Variants in NBEAL1 observed in about 807,000 individuals in gnomAD.
NBEAL1 encodes neurobeachin like 1.
Under a neutral mutation model 351.3 loss-of-function variants are expected in NBEAL1, and 273 were observed. The ratio of observed to expected loss-of-function variants is 0.78; its 90% CI spans 0.70 to 0.86. The LOEUF is 0.86. Among genes scored for constraint, NBEAL1 ranks in the 40% least tolerant of loss-of-function variants. NBEAL1 has a pLI of 0.00. For missense variants in NBEAL1, 2,961 were observed against 3,201.3 expected, an observed-to-expected ratio of 0.92 and a Z score of 1.81; for synonymous variants, 1,050 against 1,086.4, an observed-to-expected ratio of 0.97 and a Z score of 0.66.
chr2:203,119,467 C>T (rs572589142), intron 18 of NBEAL1, among the ~76,000 whole-genome samples: 1 of 101,172 alleles, frequency 9.9e-6, no homozygotes, highest in African/African-American at 3.7e-5. Context: ...CGCTCTGTTG[C>T]CAGGCTGGAG....
At chr2:203,024,995 C>G (rs1316429452) in intron 2 of NBEAL1, among the ~76,000 whole-genome samples, 1 of 152,148 alleles carries the variant, frequency 6.6e-6, no homozygotes, top group Non-Finnish European at 1.5e-5. Flanking sequence ...ATTCAACAGA[C>G]TTAAAATTAC....
Position 203,136,086 on chromosome 2 carries a change from A to G in NBEAL1, c.4223A>G (p.Asp1408Gly). Reference protein sequence around the residue: ...SHLSLDLSGIDSCEMSDSGSQ... With the variant: ...SHLSLDLSGIGSCEMSDSGSQ... ...TTGAGTTTAGACCTCAGTGGAATTG[A>G]CTCATGTGAAATGAGTGATAGTGGA... The change falls in exon 28 of 56, where the codon GAC (aspartate) becomes GGC (glycine). Residue 1408 changes from aspartate (D) to glycine (G), a missense_variant. Physicochemically the swap from Asp to Gly is moderately conservative, Grantham distance 94. Coordinates refer to ENST00000683969, the MANE Select transcript of NBEAL1 (RefSeq NM_001378026.1). 11 of 1,614,072 alleles carry G rather than the reference A, an allele frequency of 6.8e-6. No individual in the cohort carries two copies. Among genetic ancestry groups the G allele is most frequent in the Non-Finnish European group, 9.3e-6 (11 of 1,180,000 alleles).
At position 203,127,056 on chromosome 2, in the gene NBEAL1, C is replaced by T. The variant is rs1178526380; in HGVS notation, c.3248+130C>T. On this transcript the variant is annotated intron_variant, in intron 23 of 55. Coordinates refer to ENST00000683969, the MANE Select transcript of NBEAL1 (RefSeq NM_001378026.1). ...GTTTTAACTGGAGAGAGGTAGGATA[C>T]AGTGGAGGTTAAAATGATGAACAGT... is the stretch of plus-strand genomic sequence containing the variant. The T allele has an allele frequency of 3.4e-5, 21 of 620,426 alleles. No individual in the cohort carries two copies. The South Asian group carries it at 5.2e-4, about 15-fold the overall frequency. 38.4% of individuals were successfully genotyped at this position (620,426 alleles called of 1,614,324 possible).
intron 2 of NBEAL1, among the ~76,000 whole-genome samples, chr2:203,039,051 T>TG (rs2061085747): frequency 6.7e-6 from 1 of 148,658 alleles, no homozygotes; most frequent in South Asian, 2.1e-4. Context: ...ATCTTTTTTT[T>TG]CTTTTTCAGT....
intron 4 of NBEAL1, among the ~76,000 whole-genome samples, chr2:203,052,019 ATACATTAT>A (rs1004755802): frequency 1.5e-3 from 228 of 152,272 alleles, no homozygotes; most frequent in African/African-American, 5.4e-3. Flanking sequence ...ACCAGTATTT[ATACATTAT>A]TAACTAAGGT....
intron 48 of NBEAL1, among the ~76,000 whole-genome samples, chr2:203,198,385 A>G (rs1369109051): frequency 6.6e-6 from 1 of 152,014 alleles, no homozygotes; most frequent in Non-Finnish European, 1.5e-5. Context: ...AGAACTTACT[A>G]TGACTGTCAC....
intron 53 of NBEAL1, among the ~76,000 whole-genome samples, chr2:203,210,505 C>G (rs1471153742): frequency 1.3e-5 from 2 of 151,250 alleles, no homozygotes; most frequent in Non-Finnish European, 2.9e-5. Context: ...ACTAAAAATG[C>G]AAAAAAAGAT....
chr2:203,170,897 G>C (rs2064298009), intron 39 of NBEAL1, among the ~76,000 whole-genome samples: 1 of 152,130 alleles, frequency 6.6e-6, no homozygotes, highest in Non-Finnish European at 1.5e-5. Flanking sequence ...AATATATCAA[G>C]ACACTGTTTT....
At chr2:203,147,135 A>G (rs1417484435) in intron 33 of NBEAL1, among the ~76,000 whole-genome samples, 1 of 152,160 alleles carries the variant, frequency 6.6e-6, no homozygotes, top group Non-Finnish European at 1.5e-5. Flanking sequence ...CACCACTGTT[A>G]GTTACTGTTG....
intron 10 of NBEAL1, among the ~76,000 whole-genome samples, chr2:203,089,290 C>T (rs1396986217): frequency 2.7e-5 from 4 of 150,514 alleles, no homozygotes; most frequent in African/African-American, 7.4e-5. Context: ...ACCTCAGAGA[C>T]GGAGGTTGCA....
chr2:203,096,584 CAGAAG>C (rs1166924354), intron 10 of NBEAL1, among the ~76,000 whole-genome samples: 5 of 152,094 alleles, frequency 3.3e-5, no homozygotes, highest in Non-Finnish European at 7.3e-5. Context: ...TTATTTTACT[CAGAAG>C]AGGGTAATGC....
At chr2:203,207,206 G>T (rs1363277213) in intron 51 of NBEAL1, among the ~76,000 whole-genome samples, 5 of 151,082 alleles carry the variant, frequency 3.3e-5, no homozygotes, top group Admixed American at 3.3e-4. Flanking sequence ...TGAGAAGTGA[G>T]GAGCCCCTCC....
chr2:203,166,108 A>G (rs769611844), intron 36 of NBEAL1, 41 bp from the exon 37 acceptor site: 2 of 1,493,994 alleles, frequency 1.3e-6, no homozygotes, highest in Non-Finnish European at 1.8e-6. Flanking sequence ...AGAAAAATAA[A>G]TGGTTGAATT....
intron 36 of NBEAL1, among the ~76,000 whole-genome samples, chr2:203,162,463 A>AG (rs1471812099): frequency 6.6e-6 from 1 of 152,134 alleles, no homozygotes; most frequent in Non-Finnish European, 1.5e-5. Flanking sequence ...TTACAAATTG[A>AG]GGGCCAGGCA....
Position 203,166,214 on chromosome 2 carries a change from C to T in NBEAL1, c.5780C>T (p.Thr1927Ile), listed in dbSNP as rs2064125329. ...LVLMEDCELI[T>I]IIDVIPGRLE... ...TTGATGGAAGACTGTGAACTCATTA[C>T]AATAATTGATGTAATTCCTGGCAGA... The change falls in exon 37 of 56, where the codon ACA becomes ATA. Residue 1927 changes from threonine (T) to isoleucine (I), a missense_variant. Transcript: ENST00000683969. 6.2e-7 allele frequency: 1 copy of T among 1,610,624 alleles called. No individual in the cohort carries two copies. Among genetic ancestry groups the T allele is most frequent in the South Asian group, 1.1e-5 (1 of 90,132 alleles).
intron 35 of NBEAL1, among the ~76,000 whole-genome samples, chr2:203,155,696 C>A (rs2063780754): frequency 6.6e-6 from 1 of 152,178 alleles, no homozygotes; most frequent in African/African-American, 2.4e-5. Flanking sequence ...GATCCTTCCA[C>A]CTCAGCCTCC....
chr2:203,050,009 C>T, intron 4 of NBEAL1, 34 bp downstream of exon 4: 3 of 1,536,366 alleles, frequency 2.0e-6, no homozygotes, highest in Non-Finnish European at 2.6e-6. Context: ...AGTTTTCACT[C>T]ATAGGTGGGA....
intron 10 of NBEAL1, among the ~76,000 whole-genome samples, chr2:203,088,149 T>C (rs376015248): frequency 6.6e-6 from 1 of 152,226 alleles, no homozygotes; most frequent in East Asian, 1.9e-4. Context: ...TATTAAATGA[T>C]ATAAACTCCA....
intron 30 of NBEAL1, 99 bp downstream of exon 30, chr2:203,138,414 C>A: frequency 8.6e-7 from 1 of 1,164,692 alleles, no homozygotes; most frequent in Non-Finnish European, 1.2e-6. Flanking sequence ...AATGCTTAAT[C>A]AGATTCAATA....
Sources: gnomAD v4.1 joint callset for allele counts (sites outside exome capture counted in the v4.1 genomes callset) on GRCh38, gnomAD v4.1.1 for gene constraint, MANE v1.5 for transcripts, NCBI Gene and HGNC (gene_info 2026-07-23, HGNC 2026-07-21) for gene names.